The following SGCD variants were observed in gnomAD, a reference collection of about 807,000 sequenced individuals.
SGCD encodes sarcoglycan delta.
In SGCD, 18 loss-of-function variants were observed where a neutral mutation model predicts 36.6. The observed-to-expected ratio is 0.49, with a 90% CI of 0.34 to 0.73. The LOEUF (loss-of-function observed/expected upper bound fraction) is 0.73. Ranked by LOEUF, SGCD falls within the 30% of genes least tolerant of loss-of-function variation. The pLI is 0.01. For missense variants in SGCD, 387 were observed against 346.7 expected (o/e 1.12, Z -0.92); for synonymous variants, 133 against 130.6 (o/e 1.02, Z -0.12).
intron 4 of SGCD, among the ~76,000 whole-genome samples, chr5:156,532,459 T>TTTTA (rs1195801898): frequency 6.6e-6 from 1 of 152,066 alleles, no homozygotes; most frequent in Non-Finnish European, 1.5e-5. Flanking sequence ...ATCTTGTTTA[T>TTTTA]TTTATTTATT....
the SGCD span, among the ~76,000 whole-genome samples, chr5:155,820,164 A>C: frequency 6.6e-6 from 1 of 152,194 alleles, no homozygotes; most frequent in Non-Finnish European, 1.5e-5. Flanking sequence ...TTCTCAGCTC[A>C]ACTCTTTGAA....
intron 3 of SGCD, among the ~76,000 whole-genome samples, chr5:156,268,616 G>C (rs1039468504): frequency 6.6e-6 from 1 of 151,092 alleles, no homozygotes; most frequent in Non-Finnish European, 1.5e-5. Context: ...TTTTGAGACA[G>C]AGTTTCTCTC....
chr5:156,078,971 G>A (rs941277578), intron 1 of SGCD, among the ~76,000 whole-genome samples: 6 of 150,012 alleles, frequency 4.0e-5, no homozygotes, highest in African/African-American at 7.4e-5. Context: ...TTTGTGCTAG[G>A]CTGTTATTGC....
Position 156,767,431 on chromosome 5 carries a change from T to A in SGCD, c.*8041T>A, listed in dbSNP as rs1007305443. ...CGCTTCTGAAGAAGCCGGATTCTGA[T>A]GTTCTTAACCAAAATGGTGAGGTCA... On this transcript the variant is annotated 3_prime_UTR_variant, in exon 9 of 9. Coordinates refer to ENST00000337851, the MANE Select transcript of SGCD (RefSeq NM_000337.6). 1 of 150,986 alleles carries A rather than the reference T, an allele frequency of 6.6e-6. No individual in the cohort carries two copies. Among genetic ancestry groups the A allele is most frequent in the Admixed American group, 6.6e-5 (1 of 15,092 alleles). The allele number at this position is 150,986 out of a possible 1,614,324, so 9.4% of individuals were successfully genotyped here.
At chr5:155,767,083 G>A in the SGCD span, among the ~76,000 whole-genome samples, 1 of 152,196 alleles carries the variant, frequency 6.6e-6, no homozygotes, top group Non-Finnish European at 1.5e-5. Flanking sequence ...TATTAGTCAT[G>A]CATAGCCCCC....
intron 3 of SGCD, among the ~76,000 whole-genome samples, chr5:156,217,999 G>C (rs1357509746): frequency 1.3e-5 from 2 of 152,014 alleles, no homozygotes; most frequent in Non-Finnish European, 2.9e-5. Context: ...TTCAGTCTGG[G>C]TGTGGTAGCC....
intron 3 of SGCD, among the ~76,000 whole-genome samples, chr5:156,238,459 C>A (rs771890072): frequency 3.9e-5 from 6 of 152,140 alleles, no homozygotes; most frequent in African/African-American, 7.2e-5. Flanking sequence ...CATGGAATTA[C>A]CTTTCATCAC....
intron 3 of SGCD, among the ~76,000 whole-genome samples, chr5:156,442,492 A>G (rs1264317378): frequency 6.6e-6 from 1 of 152,220 alleles, no homozygotes; most frequent in Non-Finnish European, 1.5e-5. Flanking sequence ...AAGACAATGC[A>G]TATATACTGC....
chr5:156,033,568 T>C (rs978991711), intron 1 of SGCD, among the ~76,000 whole-genome samples: 2 of 152,194 alleles, frequency 1.3e-5, no homozygotes, highest in African/African-American at 2.4e-5. Context: ...ACCTGAAGTG[T>C]AGACCTTGAA....
Position 156,142,709 on chromosome 5 carries a change from T to C in SGCD, c.-44+18690T>C, listed in dbSNP as rs535972348. Reference sequence around the variant, plus strand: ...TGAATTTGACAGTGATGATTTAGGGTATCCGGTGGATGAAATTTCTAAGCA... The same window carrying C: ...TGAATTTGACAGTGATGATTTAGGGCATCCGGTGGATGAAATTTCTAAGCA... On this transcript the variant is annotated intron_variant, in intron 3 of 9. Coordinates refer to the SGCD transcript ENST00000517913. Among the ~76,000 whole-genome samples, 26 of 152,328 alleles carry C rather than the reference T, an allele frequency of 1.7e-4. No individual in the cohort carries two copies. In the South Asian group the frequency reaches 3.3e-3, roughly 19 times the overall value.
At chr5:156,078,518 AAAAT>A (rs1352822873) in intron 1 of SGCD, among the ~76,000 whole-genome samples, 1 of 120,254 alleles carries the variant, frequency 8.3e-6, no homozygotes, top group East Asian at 2.0e-4. Context: ...CTCAAAAAAA[AAAAT>A]ATATATATAT....
chr5:156,650,959 T>TACC (rs1561838197), intron 7 of SGCD, among the ~76,000 whole-genome samples: 1 of 152,206 alleles, frequency 6.6e-6, no homozygotes, highest in African/African-American at 2.4e-5. Flanking sequence ...AGTGTTCCTT[T>TACC]ACTCCACAGT....
intron 3 of SGCD, among the ~76,000 whole-genome samples, chr5:156,420,088 C>G (rs545681979): frequency 2.0e-5 from 3 of 152,256 alleles, no homozygotes; most frequent in South Asian, 4.1e-4. Context: ...TTCTCAACCT[C>G]TGGCCATAGT....
intron 3 of SGCD, among the ~76,000 whole-genome samples, chr5:156,259,774 C>G (rs562443977): frequency 6.6e-6 from 1 of 151,958 alleles, no homozygotes; most frequent in African/African-American, 2.4e-5. Context: ...AGGGTGGGGC[C>G]CCCATAGTAT....
intron 4 of SGCD, among the ~76,000 whole-genome samples, chr5:156,588,847 G>C (rs906569911): frequency 1.3e-5 from 2 of 152,180 alleles, no homozygotes; most frequent in East Asian, 3.8e-4. Flanking sequence ...TTGAAGAAAG[G>C]ATGACATTAG....
intron 3 of SGCD, among the ~76,000 whole-genome samples, chr5:156,155,479 G>A (rs1223705705): frequency 6.6e-6 from 1 of 151,454 alleles, no homozygotes; most frequent in East Asian, 1.9e-4. Flanking sequence ...AAACACTGTG[G>A]AGGCCAAACA....
chr5:156,454,732 GT>G (rs1272362028), intron 3 of SGCD, among the ~76,000 whole-genome samples: 2 of 152,174 alleles, frequency 1.3e-5, no homozygotes, highest in Non-Finnish European at 2.9e-5. Flanking sequence ...CTGCAGGAGA[GT>G]TGAGTGTGGA....
chr5:155,745,669 C>T, the SGCD span, among the ~76,000 whole-genome samples: 1 of 151,350 alleles, frequency 6.6e-6, no homozygotes, highest in African/African-American at 2.4e-5. Context: ...AAAGCTACTA[C>T]AAAACATTAA....
chr5:156,652,676 A>G (rs1382253279), intron 7 of SGCD, among the ~76,000 whole-genome samples: 1 of 152,092 alleles, frequency 6.6e-6, no homozygotes, highest in African/African-American at 2.4e-5. Context: ...CTTGAGGGGA[A>G]TGTTTCCAGC....
Sources: gnomAD v4.1 joint callset for allele counts (sites outside exome capture counted in the v4.1 genomes callset) on GRCh38, gnomAD v4.1.1 for gene constraint, MANE v1.5 for transcripts, NCBI Gene and HGNC (gene_info 2026-07-23, HGNC 2026-07-21) for gene names.